DKK2: variants seen among roughly 807,000 people sequenced by gnomAD.
DKK2 encodes the protein dickkopf-related protein 2.
Under a neutral mutation model 28.1 loss-of-function variants are expected in DKK2, and 11 were observed. The observed-to-expected ratio is 0.39, with a 90% confidence interval of 0.25 to 0.65. The LOEUF (loss-of-function observed/expected upper bound fraction) is 0.65, where lower values mean the gene tolerates loss of function less well. Among genes scored for constraint, DKK2 ranks in the 30% least tolerant of loss-of-function variants. The pLI is 0.47. For missense variants in DKK2, 326 were observed against 335.5 expected (o/e 0.97, Z 0.22); for synonymous variants, 135 against 126.5 (o/e 1.07, Z -0.45).
At position 106,923,692 on chromosome 4, in the gene DKK2, C is replaced by T. The variant is rs1484332655; in HGVS notation, c.*262G>A. 5 of 434,074 alleles carry T rather than the reference C, an allele frequency of 1.2e-5. No homozygotes were observed. The highest frequency in any genetic ancestry group is 7.8e-5 in the South Asian group (3 of 38,324). The allele number at this position is 434,074 out of a possible 1,614,324, so 26.9% of individuals were successfully genotyped here. The stretch of plus-strand genomic sequence containing the variant: ...GTAATTTCCACTGTGTGCTTGTTCT[C>T]TTAATAATAGCATTTTCCACAAATG... On this transcript the variant is annotated 3_prime_UTR_variant, in exon 4 of 4. Coordinates refer to ENST00000285311, the MANE Select transcript of DKK2 (RefSeq NM_014421.3).
chr4:107,009,177 A>G (rs774510045), intron 1 of DKK2, among the ~76,000 whole-genome samples: 1 of 151,960 alleles, frequency 6.6e-6, no homozygotes, highest in African/African-American at 2.4e-5. Flanking sequence ...GTTCAAAGGT[A>G]GGTGTCTACT....
intron 1 of DKK2, among the ~76,000 whole-genome samples, chr4:106,989,875 A>T (rs375324041): frequency 2.0e-5 from 3 of 152,218 alleles, no homozygotes; most frequent in Admixed American, 6.5e-5. Context: ...ATAGTATTTT[A>T]AAATTTTCTA....
chr4:106,923,317 CT>C lies in DKK2; in HGVS notation c.*636del, dbSNP rs1339484966. The C allele has an allele frequency of 6.6e-6, 1 of 152,080 alleles. No individual in the cohort carries two copies. The highest frequency in any genetic ancestry group is 1.9e-4 in the East Asian group (1 of 5,194). The allele number at this position is 152,080 out of a possible 1,614,324, so 9.4% of individuals were successfully genotyped here. On this transcript the variant is annotated 3_prime_UTR_variant, in exon 4 of 4. Transcript: ENST00000285311. ...GGCTGTTTGTTTGTTATTTATTTGTCTTCCTAAAGGCCTTCCTAAACAACTG... is the reference window on the plus strand; with the variant it reads ...GGCTGTTTGTTTGTTATTTATTTGTCTCCTAAAGGCCTTCCTAAACAACTG...
At chr4:106,927,231 A>G (rs751655738) in intron 1 of DKK2, among the ~76,000 whole-genome samples, 20 of 152,134 alleles carry the variant, frequency 1.3e-4, no homozygotes, top group Middle Eastern at 3.4e-3. Flanking sequence ...TGCATTGCTC[A>G]TGTCTTTTTT....
chr4:106,972,303 C>T (rs917174555), intron 1 of DKK2, among the ~76,000 whole-genome samples: 2 of 151,732 alleles, frequency 1.3e-5, no homozygotes, highest in African/African-American at 4.8e-5. Flanking sequence ...AAGTATCTCG[C>T]TTCTTCATTT....
chr4:106,955,091 CAAGT>C (rs1722570299), intron 1 of DKK2, among the ~76,000 whole-genome samples: 1 of 152,054 alleles, frequency 6.6e-6, no homozygotes, highest in South Asian at 2.1e-4. Context: ...ATTCATAAAT[CAAGT>C]AATAATGAAC....
intron 1 of DKK2, among the ~76,000 whole-genome samples, chr4:107,023,667 T>C (rs149604777): frequency 6.6e-6 from 1 of 152,230 alleles, no homozygotes; most frequent in Non-Finnish European, 1.5e-5. Flanking sequence ...GACTCATCAG[T>C]TGTAACAAAT....
At chr4:106,954,502 A>AT (rs1481317742) in intron 1 of DKK2, among the ~76,000 whole-genome samples, 1 of 152,072 alleles carries the variant, frequency 6.6e-6, no homozygotes, top group East Asian at 1.9e-4. Context: ...CCTAAAGCAG[A>AT]TTTTAGAAAT....
chr4:106,956,966 A>G (rs1722603335), intron 1 of DKK2, among the ~76,000 whole-genome samples: 3 of 151,702 alleles, frequency 2.0e-5, no homozygotes, highest in Non-Finnish European at 1.5e-5. Context: ...TGAACAGGCA[A>G]CCTACAAAAT....
intron 2 of DKK2, among the ~76,000 whole-genome samples, chr4:106,925,130 C>T (rs1370974411): frequency 6.6e-6 from 1 of 152,164 alleles, no homozygotes; most frequent in Non-Finnish European, 1.5e-5. Flanking sequence ...CTTCCCTTCA[C>T]CTCCTGTGCA....
At chr4:106,935,462 C>T (rs529994902) in intron 1 of DKK2, among the ~76,000 whole-genome samples, 62 of 152,328 alleles carry the variant, frequency 4.1e-4, no homozygotes, top group Non-Finnish European at 7.5e-4. Flanking sequence ...CTCGGAGGGT[C>T]CTACACCCAC....
intron 1 of DKK2, among the ~76,000 whole-genome samples, chr4:107,004,365 T>C (rs17037214): frequency 0.013 from 2,020 of 152,326 alleles, 54 homozygotes; most frequent in African/African-American, 0.047. Context: ...TGGTTATTAT[T>C]GACAGACCTA....
chr4:106,944,202 A>G (rs1189780759), intron 1 of DKK2, among the ~76,000 whole-genome samples: 1 of 152,104 alleles, frequency 6.6e-6, no homozygotes, highest in Non-Finnish European at 1.5e-5. Flanking sequence ...CAAGTAAAGT[A>G]CATTTTTCCA....
At chr4:106,965,422 T>C (rs1190571713) in intron 1 of DKK2, among the ~76,000 whole-genome samples, 1 of 151,962 alleles carries the variant, frequency 6.6e-6, no homozygotes, top group Non-Finnish European at 1.5e-5. Context: ...GTTATACAGG[T>C]TTTCTCACTT....
chr4:106,976,490 G>A (rs899805602), intron 1 of DKK2, among the ~76,000 whole-genome samples: 3 of 152,180 alleles, frequency 2.0e-5, no homozygotes, highest in Non-Finnish European at 4.4e-5. Flanking sequence ...TTACCATTAT[G>A]TAATGGCCTT....
chr4:107,032,480 T>C (rs1723889580), intron 1 of DKK2, among the ~76,000 whole-genome samples: 2 of 152,154 alleles, frequency 1.3e-5, no homozygotes, highest in African/African-American at 2.4e-5. Context: ...AGAGCTCATA[T>C]AGTCTCATTT....
intron 1 of DKK2, among the ~76,000 whole-genome samples, chr4:106,957,029 C>G (rs1722604653): frequency 6.6e-6 from 1 of 151,754 alleles, no homozygotes; most frequent in African/African-American, 2.4e-5. Context: ...TATCCAGAAT[C>G]TACAATGAAC....
chr4:106,944,514 C>G (rs1239892738), intron 1 of DKK2, among the ~76,000 whole-genome samples: 1 of 152,010 alleles, frequency 6.6e-6, no homozygotes, highest in African/African-American at 2.4e-5. Context: ...GTTTAAAACC[C>G]TACAGAAATT....
At chr4:107,027,411 C>T (rs1723801770) in intron 1 of DKK2, among the ~76,000 whole-genome samples, 1 of 148,162 alleles carries the variant, frequency 6.7e-6, no homozygotes, top group Admixed American at 6.7e-5. Flanking sequence ...CTTGATTTAA[C>T]ATTACTAAAA....
Sources: gnomAD v4.1 joint callset for allele counts (sites outside exome capture counted in the v4.1 genomes callset) on GRCh38, gnomAD v4.1.1 for gene constraint, MANE v1.5 for transcripts, NCBI Gene and HGNC (gene_info 2026-07-23, HGNC 2026-07-21) for gene names.